The following GTF2E2 variants were observed in gnomAD, a reference collection of about 807,000 sequenced individuals.
GTF2E2 encodes the protein general transcription factor IIE subunit 2, also known as transcription initiation factor IIE subunit beta.
Under a neutral mutation model 40.5 loss-of-function variants are expected in GTF2E2, and 21 were observed. The ratio of observed to expected loss-of-function variants is 0.52; its 90% confidence interval spans 0.37 to 0.75. The LOEUF is 0.75. GTF2E2 is among the 30% of genes least tolerant of loss of function. The pLI is 0.00. For missense variants in GTF2E2, 298 were observed against 338.4 expected (o/e 0.88, Z 0.94); for synonymous variants, 117 against 121.6 (o/e 0.96, Z 0.25).
At chr8:30,635,467 C>A (rs1354937515) in intron 2 of GTF2E2, among the ~76,000 whole-genome samples, 1 of 152,104 alleles carries the variant, frequency 6.6e-6, no homozygotes, top group East Asian at 1.9e-4. Context: ...ACTACACCCT[C>A]AACTTCCCAG....
chr8:30,598,607 C>T (rs561199887), intron 6 of GTF2E2, among the ~76,000 whole-genome samples: 3 of 152,254 alleles, frequency 2.0e-5, no homozygotes, highest in African/African-American at 7.2e-5. Flanking sequence ...TTAAACATGA[C>T]ATCTACTATG....
At chr8:30,656,706 G>A (rs951635800) in intron 1 of GTF2E2, among the ~76,000 whole-genome samples, 7 of 151,376 alleles carry the variant, frequency 4.6e-5, no homozygotes, top group Non-Finnish European at 8.8e-5. Flanking sequence ...TACTTGGGAG[G>A]CTGAGGCAGG....
chr8:30,624,281 T>C (rs1801202802), intron 3 of GTF2E2, among the ~76,000 whole-genome samples: 1 of 152,262 alleles, frequency 6.6e-6, no homozygotes, highest in South Asian at 2.1e-4. Context: ...CCTTTCCTCA[T>C]TGCTTGTTTT....
intron 6 of GTF2E2, among the ~76,000 whole-genome samples, chr8:30,582,846 T>C (rs1383110327): frequency 1.3e-5 from 2 of 152,238 alleles, no homozygotes; most frequent in Admixed American, 6.5e-5. Context: ...TTCTCTGTCA[T>C]GAAGCTATCA....
At chr8:30,588,416 T>G (rs1247030242) in intron 6 of GTF2E2, among the ~76,000 whole-genome samples, 2 of 152,168 alleles carry the variant, frequency 1.3e-5, no homozygotes, top group African/African-American at 4.8e-5. Flanking sequence ...ATTCTGTCAT[T>G]TGCAACATGA....
chr8:30,621,568 C>T (rs982556621), intron 3 of GTF2E2, among the ~76,000 whole-genome samples: 2 of 152,098 alleles, frequency 1.3e-5, no homozygotes, highest in Non-Finnish European at 2.9e-5. Context: ...GCAAAGAAAA[C>T]ATCTTTGTTA....
chr8:30,622,271 A>G (rs1338488016), intron 3 of GTF2E2, among the ~76,000 whole-genome samples: 1 of 151,838 alleles, frequency 6.6e-6, no homozygotes, highest in East Asian at 1.9e-4. Flanking sequence ...AGAGTACAAA[A>G]GAGAGAAATT....
intron 6 of GTF2E2, among the ~76,000 whole-genome samples, chr8:30,594,226 C>T (rs1828930180): frequency 6.6e-6 from 1 of 151,368 alleles, no homozygotes; most frequent in African/African-American, 2.4e-5. Flanking sequence ...GCCACCACAC[C>T]TGGCCTAACC....
intron 3 of GTF2E2, among the ~76,000 whole-genome samples, chr8:30,616,499 G>A (rs1415746178): frequency 2.0e-5 from 1 of 49,588 alleles, no homozygotes; most frequent in Non-Finnish European, 3.9e-5. Context: ...CAAGGGTTGA[G>A]GGGAGAGGAT....
chr8:30,632,501 A>G (rs1242034401), intron 3 of GTF2E2, among the ~76,000 whole-genome samples: 6 of 152,210 alleles, frequency 3.9e-5, no homozygotes, highest in African/African-American at 1.4e-4. Context: ...AAACCTTCAT[A>G]CTAAAAGTTT....
At chr8:30,585,821 A>T (rs1477501779) in intron 6 of GTF2E2, among the ~76,000 whole-genome samples, 1 of 145,422 alleles carries the variant, frequency 6.9e-6, no homozygotes, top group East Asian at 2.0e-4. Flanking sequence ...CCAGTGGCTC[A>T]TGCCTGTAAT....
In GTF2E2 at chr8:30,653,630, T is replaced by A. The variant is rs200159839; in HGVS notation, c.-4-28A>T. The A allele has an allele frequency of 2.1e-5, 33 of 1,560,580 alleles. No individual in the cohort carries two copies. In the East Asian group the frequency reaches 2.7e-4, roughly 13 times the overall value. ...ACAAAGAAAAAATAAGTGTCTTTAA[T>A]ACAAATTCAAGTCACTCAAACCTGC... On this transcript the variant is annotated intron_variant, in intron 1 of 7. Coordinates refer to ENST00000355904, the MANE Select transcript of GTF2E2 (RefSeq NM_002095.6).
chr8:30,633,259 T>C (rs1801493674), intron 3 of GTF2E2, among the ~76,000 whole-genome samples: 1 of 152,108 alleles, frequency 6.6e-6, no homozygotes. Context: ...TAAAAATACA[T>C]AACATTTGGA....
At chr8:30,654,577 A>T (rs1370292949) in intron 1 of GTF2E2, among the ~76,000 whole-genome samples, 1 of 151,984 alleles carries the variant, frequency 6.6e-6, no homozygotes, top group Non-Finnish European at 1.5e-5. Flanking sequence ...TAATTTTTTT[A>T]AAAACTTTTT....
intron 2 of GTF2E2, among the ~76,000 whole-genome samples, chr8:30,636,458 C>A (rs1399923364): frequency 6.6e-6 from 1 of 152,198 alleles, no homozygotes; most frequent in Non-Finnish European, 1.5e-5. Context: ...ATACCATACT[C>A]CTTTGAGATT....
At chr8:30,636,770 T>C (rs1020105163) in intron 2 of GTF2E2, among the ~76,000 whole-genome samples, 1 of 151,782 alleles carries the variant, frequency 6.6e-6, no homozygotes, top group East Asian at 1.9e-4. Context: ...GGAGAATCAC[T>C]TGAACGAGAG....
At chr8:30,627,448 CAAAAA>C (rs71539905) in intron 3 of GTF2E2, among the ~76,000 whole-genome samples, 4 of 64,778 alleles carry the variant, frequency 6.2e-5, no homozygotes, top group African/African-American at 1.3e-4. Context: ...ACCTCTCTTG[CAAAAA>C]AAAAAAAAAA....
At chr8:30,601,584 A>G (rs1474270684) in intron 6 of GTF2E2, among the ~76,000 whole-genome samples, 1 of 152,180 alleles carries the variant, frequency 6.6e-6, no homozygotes, top group East Asian at 1.9e-4. Context: ...TAACACTGCC[A>G]AGGTCGAAAG....
At chr8:30,643,658 TAAA>T (rs71206267) in intron 2 of GTF2E2, 3 of 132,224 alleles carry the variant, frequency 2.3e-5, no homozygotes. Context: ...AGACTCTGCC[TAAA>T]AAAAAAAAAA....
Sources: allele counts gnomAD v4.1 joint callset (sites outside exome capture counted in the v4.1 genomes callset), GRCh38; gene constraint gnomAD v4.1.1; transcripts MANE v1.5; gene names NCBI Gene and HGNC (gene_info 2026-07-23, HGNC 2026-07-21).